TET3: variants seen among roughly 807,000 people sequenced by gnomAD.
TET3 encodes the protein tet methylcytosine dioxygenase 3, also known as methylcytosine dioxygenase TET3.
Under a neutral mutation model 141.4 loss-of-function variants are expected in TET3, and 19 were observed. That is an observed-to-expected ratio of 0.13 (90% CI 0.09 to 0.20). The LOEUF (loss-of-function observed/expected upper bound fraction) is 0.20, where lower values mean the gene tolerates loss of function less well. Among genes scored for constraint, TET3 ranks in the 10% least tolerant of loss-of-function variants. The probability of loss-of-function intolerance (pLI) is 1.00; values close to 1 mark genes in which losing one functional copy is unlikely to be tolerated. For synonymous variants in TET3, 1,043 were observed against 980.9 expected (o/e 1.06, Z -1.18); for missense variants, 1,874 against 2,356.9 (o/e 0.80, Z 4.24).
At chr2:74,028,279 C>T (rs1573729475) in intron 3 of TET3, among the ~76,000 whole-genome samples, 2 of 150,336 alleles carry the variant, frequency 1.3e-5, no homozygotes, top group Admixed American at 1.3e-4. Flanking sequence ...GTTACCATGC[C>T]TAGCCGTTTT....
chr2:74,093,514 T>A lies in TET3; in HGVS notation c.3130-15T>A. The A allele has an allele frequency of 6.3e-7, 1 of 1,594,824 alleles. No homozygotes were observed. Among genetic ancestry groups the A allele is most frequent in the Non-Finnish European group, 8.6e-7 (1 of 1,169,048 alleles). The stretch of plus-strand genomic sequence containing the variant: ...CTCAGGTCATGTGAGCACCTCTCCT[T>A]GGCTGTCTACACAGGTGACCAACGA... On this transcript the variant is annotated splice_polypyrimidine_tract_variant and intron_variant, in intron 9 of 11. Coordinates refer to ENST00000409262, the MANE Select transcript of TET3 (RefSeq NM_001287491.2). This position sits in a 1 kb window ranked among gnomAD's most constrained non-coding sequence, Gnocchi z 4.2.
At chr2:74,038,769 C>T (rs1375199587) in intron 3 of TET3, among the ~76,000 whole-genome samples, 4 of 152,102 alleles carry the variant, frequency 2.6e-5, no homozygotes, top group Non-Finnish European at 4.4e-5. Context: ...TGCCTGGTTC[C>T]CTAGGAGCAA....
chr2:74,041,728 T>G (rs1447272849), intron 3 of TET3, among the ~76,000 whole-genome samples: 1 of 152,226 alleles, frequency 6.6e-6, no homozygotes, highest in Non-Finnish European at 1.5e-5. Flanking sequence ...TAAGACCCTT[T>G]GAAGCTGCCA....
Position 74,103,231 on chromosome 2 carries a change from G to T in TET3, c.*1055G>T. 1 of 152,576 alleles carries T rather than the reference G, an allele frequency of 6.6e-6. No individual in the cohort carries two copies. The highest frequency in any genetic ancestry group is 1.5e-5 in the Non-Finnish European group (1 of 68,080). The allele number at this position is 152,576 out of a possible 1,614,324, so 9.5% of individuals were successfully genotyped here. ...TTTAAAAACAGGAAGTTGAACCCAA[G>T]CTGTGAAAAGCCAGTGGTGCTCTGT... On this transcript the variant is annotated 3_prime_UTR_variant, in exon 12 of 12. Transcript: ENST00000409262.
intron 2 of TET3, among the ~76,000 whole-genome samples, chr2:73,994,638 C>CTTTTTTTTTTT (rs572235939): frequency 7.2e-5 from 7 of 96,746 alleles, no homozygotes; most frequent in Non-Finnish European, 1.3e-4. Flanking sequence ...TTCTTTCTTT[C>CTTTTTTTTTTT]TTTTTTTTTT....
At chr2:74,083,698 GT>G (rs1037325028) in intron 6 of TET3, among the ~76,000 whole-genome samples, 1 of 152,116 alleles carries the variant, frequency 6.6e-6, no homozygotes, top group African/African-American at 2.4e-5. Context: ...TGTTTTCTTA[GT>G]TTTTTTAGTG....
intron 3 of TET3, among the ~76,000 whole-genome samples, chr2:74,015,805 C>G (rs779897412): frequency 6.6e-6 from 1 of 152,058 alleles, no homozygotes; most frequent in Non-Finnish European, 1.5e-5. Context: ...TAATATCTAT[C>G]AAATTTACCT....
intron 3 of TET3, among the ~76,000 whole-genome samples, chr2:74,045,494 C>T (rs1422554051): frequency 6.6e-6 from 1 of 152,226 alleles, no homozygotes; most frequent in Non-Finnish European, 1.5e-5. Flanking sequence ...TTCCTCTCAT[C>T]CTTCCCCTTT....
intron 3 of TET3, among the ~76,000 whole-genome samples, chr2:74,039,861 G>A (rs1687252871): frequency 6.6e-6 from 1 of 152,180 alleles, no homozygotes; most frequent in Admixed American, 6.5e-5. Context: ...CTCCAAGAGT[G>A]AGAATCCCAA....
intron 3 of TET3, among the ~76,000 whole-genome samples, chr2:74,005,858 C>T (rs772658971): frequency 6.6e-6 from 1 of 152,200 alleles, no homozygotes; most frequent in Non-Finnish European, 1.5e-5. Context: ...CCCGTGATAT[C>T]TCAAGGAACA....
intron 3 of TET3, among the ~76,000 whole-genome samples, chr2:74,014,240 T>G (rs1172357001): frequency 6.6e-6 from 1 of 152,224 alleles, no homozygotes; most frequent in Non-Finnish European, 1.5e-5. Flanking sequence ...TATTTTTTTC[T>G]TCTTTGATAA....
At position 74,047,997 on chromosome 2, in the gene TET3, C is replaced by G. The variant is rs1036702175; in HGVS notation, c.2080C>G (p.Pro694Ala). ...RSPSPMTALQ[P>A]GSTGPLPPAD... is the part of the protein sequence containing the mutation. ...CCCCAGCCCCATGACAGCCTTGCAGCCAGGCTCCACTGGCCCTCTTCCCCC... is the reference window on the plus strand; with the variant it reads ...CCCCAGCCCCATGACAGCCTTGCAGGCAGGCTCCACTGGCCCTCTTCCCCC... Residue 694 changes from proline (P) to alanine (A), a missense_variant, in exon 4 of 12, where the codon CCA becomes GCA. Physicochemically the swap from Pro to Ala is conservative, Grantham distance 27 (BLOSUM62 -1). This residue lies in a region of TET3 where 484 missense variants were observed against 462.2 expected (regional missense o/e 1.05). Coordinates refer to ENST00000409262, the MANE Select transcript of TET3 (RefSeq NM_001287491.2). The G allele has an allele frequency of 1.9e-6, 3 of 1,609,040 alleles. No homozygotes were observed. The highest frequency in any genetic ancestry group is 2.5e-6 in the Non-Finnish European group (3 of 1,177,520).
chr2:74,112,844 T>C (rs1691734343), downstream of TET3, among the ~76,000 whole-genome samples: 1 of 150,248 alleles, frequency 6.7e-6, no homozygotes, highest in Non-Finnish European at 1.5e-5. Context: ...CTACCAAAAA[T>C]ACAAAAATTA....
chr2:74,008,012 G>C (rs931257032), intron 3 of TET3, among the ~76,000 whole-genome samples: 5 of 152,064 alleles, frequency 3.3e-5, no homozygotes, highest in African/African-American at 1.2e-4. Flanking sequence ...GTTCCTAAAG[G>C]CTTCCTCTTG....
chr2:74,028,157 T>TA (rs1232162119), intron 3 of TET3, among the ~76,000 whole-genome samples: 121 of 150,280 alleles, frequency 8.1e-4, no homozygotes, highest in African/African-American at 2.3e-3. Context: ...TGCCTAATTT[T>TA]AAAAAAAAAA....
intron 5 of TET3, chr2:74,073,961 T>C (rs147931018): frequency 5.4e-6 from 1 of 186,530 alleles, no homozygotes; most frequent in Non-Finnish European, 1.1e-5. Context: ...TGTGGTATCA[T>C]TAAAAGTGTT....
At chr2:74,112,740 C>T (rs62150620), downstream of TET3, among the ~76,000 whole-genome samples, 9,716 of 152,204 alleles carry the variant, frequency 0.064, 412 homozygotes, top group Non-Finnish European at 0.097. Flanking sequence ...CAGTGGCTCA[C>T]GCCTATAATT....
the TET3 span, among the ~76,000 whole-genome samples, chr2:74,129,904 G>T: frequency 6.6e-6 from 1 of 152,036 alleles, no homozygotes; most frequent in South Asian, 2.1e-4. Flanking sequence ...GACCAGCCTG[G>T]CCAACATGGT....
At chr2:74,012,331 C>G (rs1685480837) in intron 3 of TET3, among the ~76,000 whole-genome samples, 1 of 152,194 alleles carries the variant, frequency 6.6e-6, no homozygotes, top group Non-Finnish European at 1.5e-5. Context: ...TATTTCATAT[C>G]TGTTTAGTGT....
Sources: allele counts gnomAD v4.1 joint callset (sites outside exome capture counted in the v4.1 genomes callset), GRCh38; gene constraint gnomAD v4.1.1; regional missense constraint gnomAD v4.1.1; non-coding constraint Gnocchi (gnomAD v3.1); transcripts MANE v1.5; gene names NCBI Gene and HGNC (gene_info 2026-07-23, HGNC 2026-07-21).